Variants in SDK2 observed in about 807,000 individuals in gnomAD.
SDK2 encodes the protein protein sidekick-2.
A neutral mutation model predicts 253.9 loss-of-function variants in SDK2; 105 were observed. The ratio of observed to expected loss-of-function variants is 0.41; its 90% CI spans 0.35 to 0.49. The LOEUF (loss-of-function observed/expected upper bound fraction) is 0.49. SDK2 is among the 20% of genes least tolerant of loss of function. The probability of loss-of-function intolerance (pLI) is 0.06; values close to 1 mark genes in which losing one functional copy is unlikely to be tolerated. For synonymous variants in SDK2, 1,249 were observed against 1,234.9 expected (o/e 1.01, Z -0.24); for missense variants, 2,608 against 3,003.0 (o/e 0.87, Z 3.07).
At chr17:73,462,787 C>T (rs1016171631) in intron 3 of SDK2, among the ~76,000 whole-genome samples, 1 of 152,158 alleles carries the variant, frequency 6.6e-6, no homozygotes, top group African/African-American at 2.4e-5. Flanking sequence ...CTCCACTTCT[C>T]CACTCCAACA....
At position 73,338,652 on chromosome 17, in the gene SDK2, G is replaced by T. The variant is rs757231252; in HGVS notation, c.6454C>A (p.Arg2152Ser). The change falls in exon 45 of 45, where the codon CGT (arginine) becomes AGT (serine). Residue 2152 changes from arginine (R) to serine (S), a missense_variant. Physicochemically the swap from Arg to Ser is moderately radical, Grantham distance 110. This residue lies in a region of SDK2 where 1,103 missense variants were observed against 1,143.9 expected (regional missense o/e 0.96). Coordinates refer to ENST00000392650, the MANE Select transcript of SDK2 (RefSeq NM_001144952.2). The surrounding 1 kb of genome is among the most constrained non-coding windows in gnomAD (Gnocchi z 5.0). Reference protein sequence around the residue: ...NPPSQQSTLYRPPSSLAPGSR... With the variant: ...NPPSQQSTLYSPPSSLAPGSR... ...CCTGGGGCCAGGCTGCTGGGGGGAC[G>T]GTAGAGGGTGCTCTGCTGACTTGGG... is the stretch of plus-strand genomic sequence containing the variant. 1.3e-6 allele frequency: 2 copies of T among 1,553,218 alleles called. No homozygotes were observed. The highest frequency in any genetic ancestry group is 1.7e-6 in the Non-Finnish European group (2 of 1,152,840).
At chr17:73,536,941 G>A (rs2044784245) in intron 1 of SDK2, among the ~76,000 whole-genome samples, 1 of 152,150 alleles carries the variant, frequency 6.6e-6, no homozygotes, top group South Asian at 2.1e-4. Flanking sequence ...TACATAATGG[G>A]TCAGGGAGGC....
rs1445471244 is a variant in SDK2, at chr17:73,440,841, C to T, written c.696G>A (p.Glu232=). 2 of 1,551,680 alleles carry T rather than the reference C, an allele frequency of 1.3e-6. No homozygotes were observed. Among genetic ancestry groups the T allele is most frequent in the Middle Eastern group, 1.7e-4 (1 of 5,990 alleles). Residue 232 remains glutamate (E), a synonymous_variant, in exon 6 of 45, where the codon GAG becomes GAA. Coordinates refer to ENST00000392650, the MANE Select transcript of SDK2 (RefSeq NM_001144952.2). The stretch of plus-strand genomic sequence containing the variant: ...CATTGGCCACACACTCCAAGGTAAC[C>T]TCTGAGGTGCCGGCCACCACGCTGG... ...KNTSVVAGTS[E]VTLECVANAR... is the part of the protein sequence containing the mutation.
At position 73,635,211 on chromosome 17, in the gene SDK2, C is replaced by G. The variant is rs564798227; in HGVS notation, c.64+8814G>C. Among the ~76,000 whole-genome samples, 14 of 152,208 alleles carry G rather than the reference C, an allele frequency of 9.2e-5. No homozygotes were observed. The East Asian group carries it at 2.7e-3, about 29-fold the overall frequency. The stretch of plus-strand genomic sequence containing the variant: ...CCATGTTGGCCAGGCTGGTCTTGAA[C>G]GCCTGTCCTCAAGTGATCCGCCTGC... On this transcript the variant is annotated intron_variant, in intron 1 of 44. Coordinates refer to ENST00000392650, the MANE Select transcript of SDK2 (RefSeq NM_001144952.2).
intron 1 of SDK2, among the ~76,000 whole-genome samples, chr17:73,522,016 C>T (rs1408273783): frequency 6.6e-6 from 1 of 152,208 alleles, no homozygotes; most frequent in Non-Finnish European, 1.5e-5. Flanking sequence ...TTCACGGCCT[C>T]ACTTTACAGA....
rs755870558 is a variant in SDK2, at chr17:73,338,647, G to A, written c.6459C>T (p.Pro2153=). 55 of 1,546,468 alleles carry A rather than the reference G, an allele frequency of 3.6e-5. No individual in the cohort carries two copies. In the South Asian group the frequency reaches 6.5e-4, roughly 18 times the overall value. Residue 2153 remains proline, a synonymous_variant, in exon 45 of 45, where the codon CCC becomes CCT. Transcript: ENST00000392650. This position sits in a 1 kb window ranked among gnomAD's most constrained non-coding sequence, Gnocchi z 5.0. The stretch of plus-strand genomic sequence containing the variant: ...GGGAGCCTGGGGCCAGGCTGCTGGG[G>A]GGACGGTAGAGGGTGCTCTGCTGAC... ...PPSQQSTLYR[P]PSSLAPGSRA... is the part of the protein sequence containing the mutation.
At chr17:73,582,655 A>C (rs531771234) in intron 1 of SDK2, among the ~76,000 whole-genome samples, 16 of 152,102 alleles carry the variant, frequency 1.1e-4, no homozygotes, top group African/African-American at 1.7e-4. Flanking sequence ...ATGTAGGGAG[A>C]GGCTGTGTCC....
chr17:73,373,149 C>A (rs1426655698), intron 36 of SDK2, among the ~76,000 whole-genome samples: 1 of 152,208 alleles, frequency 6.6e-6, no homozygotes, highest in African/African-American at 2.4e-5. Context: ...TGGTACATTT[C>A]ATTTGGCATA....
chr17:73,412,137 T>TATATATAC (rs1186355535), intron 18 of SDK2, among the ~76,000 whole-genome samples: 1 of 23,296 alleles, frequency 4.3e-5, no homozygotes, highest in Non-Finnish European at 9.9e-5. Flanking sequence ...TATGTGTATG[T>TATATATAC]GTATATGTAT....
chr17:73,509,583 A>G (rs2063962008), intron 1 of SDK2, among the ~76,000 whole-genome samples: 1 of 149,530 alleles, frequency 6.7e-6, no homozygotes. Context: ...TGAGGCCAGG[A>G]GTTCAATACC....
chr17:73,497,225 C>T (rs571561380), intron 2 of SDK2, among the ~76,000 whole-genome samples: 2 of 152,182 alleles, frequency 1.3e-5, no homozygotes, highest in East Asian at 1.9e-4. Context: ...AATCCAGCAG[C>T]GGTTGACACA....
At chr17:73,517,884 A>C (rs1408179234) in intron 1 of SDK2, 1 of 152,358 alleles carries the variant, frequency 6.6e-6, no homozygotes, top group African/African-American at 2.4e-5. Context: ...TTGGTTTTCA[A>C]TCCATGTTAG....
chr17:73,387,860 T>C lies in SDK2; in HGVS notation c.4370A>G (p.Asn1457Ser), dbSNP rs200974788. The change falls in exon 30 of 45, where the codon AAT (asparagine) becomes AGT (serine). Residue 1457 changes from asparagine to serine, a missense_variant. Transcript: ENST00000392650. ...WALHSASVSH[N>S]ASSFIVDRLK... ...CCTGTCCACAATGAAGCTGGAGGCA[T>C]TGTGGCTCACGGAGGCCGAGTGCAG... The C allele has an allele frequency of 3.2e-5, 50 of 1,586,224 alleles. No homozygotes were observed. Among genetic ancestry groups the C allele is most frequent in the Non-Finnish European group, 3.5e-5 (41 of 1,166,552 alleles).
chr17:73,337,073 G>C lies in SDK2; in HGVS notation c.*1514C>G, dbSNP rs2062386213. 6.6e-6 allele frequency: 1 copy of C among 152,218 alleles called. No individual in the cohort carries two copies. The highest frequency in any genetic ancestry group is 6.5e-5 in the Admixed American group (1 of 15,272). The allele number at this position is 152,218 out of a possible 1,614,324, so 9.4% of individuals were successfully genotyped here. ...TGTGTATGTGTGTGTGTGTGTGTGT[G>C]TGTGTGTGTAAAAGCATTCCCTCCC... On this transcript the variant is annotated 3_prime_UTR_variant, in exon 45 of 45. Coordinates refer to ENST00000392650, the MANE Select transcript of SDK2 (RefSeq NM_001144952.2).
At chr17:73,543,794 A>C (rs1296552853) in intron 1 of SDK2, among the ~76,000 whole-genome samples, 4 of 152,226 alleles carry the variant, frequency 2.6e-5, no homozygotes, top group African/African-American at 9.6e-5. Flanking sequence ...CCCAAGGTGC[A>C]GGGGGAGAGG....
intron 44 of SDK2, 68 bp downstream of exon 44, chr17:73,348,530 GT>G: frequency 5.1e-6 from 8 of 1,557,746 alleles, no homozygotes; most frequent in Non-Finnish European, 4.3e-6. Flanking sequence ...GCCCATCTAC[GT>G]TCACTGCCCC....
intron 5 of SDK2, among the ~76,000 whole-genome samples, chr17:73,444,491 C>G (rs903785754): frequency 6.6e-6 from 1 of 152,168 alleles, no homozygotes; most frequent in Non-Finnish European, 1.5e-5. Flanking sequence ...AGGAAGTGTA[C>G]GGGGCTCCCC....
At chr17:73,419,742 C>T (rs566633531) in intron 15 of SDK2, among the ~76,000 whole-genome samples, 1 of 148,884 alleles carries the variant, frequency 6.7e-6, no homozygotes, top group Admixed American at 6.7e-5. Context: ...AAAAAACTCC[C>T]TCCTGGTGAC....
At chr17:73,433,275 T>C (rs1281502049) in intron 10 of SDK2, among the ~76,000 whole-genome samples, 1 of 149,898 alleles carries the variant, frequency 6.7e-6, no homozygotes, top group Non-Finnish European at 1.5e-5. Context: ...AAGGCTGGGA[T>C]GTGAAGGATG....
Sources: gnomAD v4.1 joint callset for allele counts (sites outside exome capture counted in the v4.1 genomes callset) on GRCh38, gnomAD v4.1.1 for gene constraint, gnomAD v4.1.1 regional missense constraint, Gnocchi (gnomAD v3.1) non-coding constraint, MANE v1.5 for transcripts, NCBI Gene and HGNC (gene_info 2026-07-23, HGNC 2026-07-21) for gene names.